BBX: variants seen among roughly 807,000 people sequenced by gnomAD.
BBX encodes the protein HMG box transcription factor BBX.
A neutral mutation model predicts 100.2 loss-of-function variants in BBX; 30 were observed. The observed-to-expected ratio is 0.30, with a 90% CI of 0.22 to 0.41. The LOEUF is 0.41. BBX is among the 10% of genes least tolerant of loss of function. The pLI, the probability that BBX is intolerant of heterozygous loss-of-function variation, is 1.00. For missense variants in BBX, 1,023 were observed against 1,129.8 expected (o/e 0.91, Z 1.35); for synonymous variants, 376 against 388.1 (o/e 0.97, Z 0.37).
At chr3:107,609,462 T>C (rs911364465) in intron 2 of BBX, among the ~76,000 whole-genome samples, 3 of 152,098 alleles carry the variant, frequency 2.0e-5, no homozygotes, top group African/African-American at 7.2e-5. Flanking sequence ...GTAGGATTAG[T>C]ATTAGTATAT....
At chr3:107,617,676 AT>A (rs2055398521) in intron 2 of BBX, among the ~76,000 whole-genome samples, 1 of 152,064 alleles carries the variant, frequency 6.6e-6, no homozygotes, top group Admixed American at 6.6e-5. Flanking sequence ...AAATATTTTA[AT>A]TTTGATGTCC....
At chr3:107,598,540 G>C (rs1482876123) in intron 2 of BBX, among the ~76,000 whole-genome samples, 1 of 152,150 alleles carries the variant, frequency 6.6e-6, no homozygotes, top group East Asian at 1.9e-4. Context: ...ATTACTTTCT[G>C]CTTCCCGGCT....
intron 5 of BBX, among the ~76,000 whole-genome samples, chr3:107,718,008 A>C (rs1300174927): frequency 6.6e-6 from 1 of 151,892 alleles, no homozygotes; most frequent in South Asian, 2.1e-4. Context: ...TGAAAAAATA[A>C]TTCTTCCAGG....
chr3:107,543,436 T>TA (rs991326805), intron 2 of BBX, among the ~76,000 whole-genome samples: 2 of 152,208 alleles, frequency 1.3e-5, no homozygotes, highest in Admixed American at 1.3e-4. Context: ...TATAAATGGT[T>TA]AAAAAATTAA....
intron 10 of BBX, among the ~76,000 whole-genome samples, chr3:107,757,250 G>T (rs9878595): frequency 0.12 from 17,499 of 151,568 alleles, 1,369 homozygotes; most frequent in Non-Finnish European, 0.17. Flanking sequence ...TGCATGGGGG[G>T]GCTGGTAAAG....
chr3:107,676,212 A>G (rs1375510123), intron 3 of BBX, among the ~76,000 whole-genome samples: 2 of 152,198 alleles, frequency 1.3e-5, no homozygotes, highest in Non-Finnish European at 2.9e-5. Flanking sequence ...TGTGGATTTC[A>G]TCTGATTAAG....
At chr3:107,749,329 A>G (rs1253007131) in intron 9 of BBX, among the ~76,000 whole-genome samples, 3 of 152,224 alleles carry the variant, frequency 2.0e-5, no homozygotes, top group Non-Finnish European at 4.4e-5. Context: ...CTTCAGAGTT[A>G]AAAAGGAATT....
chr3:107,667,313 A>G (rs1376966173), intron 3 of BBX, among the ~76,000 whole-genome samples: 2 of 152,186 alleles, frequency 1.3e-5, no homozygotes, highest in Non-Finnish European at 2.9e-5. Flanking sequence ...ATCAGTGATA[A>G]AAGTTTCTTT....
intron 2 of BBX, among the ~76,000 whole-genome samples, chr3:107,536,361 C>CT (rs1213946206): frequency 2.0e-5 from 3 of 152,010 alleles, no homozygotes; most frequent in South Asian, 2.1e-4. Flanking sequence ...AAAAGTTTGT[C>CT]TTTTTTTTAA....
chr3:107,694,713 A>G (rs1191361438), intron 3 of BBX, among the ~76,000 whole-genome samples: 19 of 151,186 alleles, frequency 1.3e-4, no homozygotes, highest in Non-Finnish European at 2.8e-4. Flanking sequence ...GCCTCATAAA[A>G]TGAGTTAGGG....
At chr3:107,724,765 A>G (rs1345334326) in intron 5 of BBX, among the ~76,000 whole-genome samples, 3 of 152,068 alleles carry the variant, frequency 2.0e-5, no homozygotes, top group Non-Finnish European at 2.9e-5. Flanking sequence ...CCATTGGTCT[A>G]TATCTCTGTT....
rs1265866315 is a variant in BBX, at chr3:107,610,788, GT to G, written c.-83-35036del. On this transcript the variant is annotated intron_variant, in intron 2 of 17. Transcript: ENST00000325805. ...TCTTATAGGCAACAGATCATTGGGTGTTTTTTTTTTTTAAGCATTTAATCAC... is the reference window on the plus strand; with the variant it reads ...TCTTATAGGCAACAGATCATTGGGTGTTTTTTTTTTTAAGCATTTAATCAC... Among the ~76,000 whole-genome samples, 149 of 139,798 alleles carry G rather than the reference GT, an allele frequency of 1.1e-3. No homozygotes were observed. The East Asian group carries it at 0.011, about 10-fold the overall frequency. 91.7% of individuals were successfully genotyped at this position (139,798 alleles called of 152,430 possible).
In BBX at chr3:107,788,399, A is replaced by G. The variant is rs549369020; in HGVS notation, c.2204-1388A>G. Among the ~76,000 whole-genome samples, 3 of 152,244 alleles carry G rather than the reference A, an allele frequency of 2.0e-5. 1 individual carries two copies. The highest frequency in any genetic ancestry group is 4.8e-5 in the African/African-American group (2 of 41,558). ...CAGCCTGGTGCAATAAGGACCCACA[A>G]TTGGCCTTCACAGCATGGGGGTACT... On this transcript the variant is annotated intron_variant, in intron 13 of 17. Coordinates refer to ENST00000325805, the MANE Select transcript of BBX (RefSeq NM_001142568.3).
intron 3 of BBX, among the ~76,000 whole-genome samples, chr3:107,656,405 C>G (rs1281702971): frequency 6.6e-6 from 1 of 152,106 alleles, no homozygotes; most frequent in Admixed American, 6.5e-5. Flanking sequence ...AAAGCTGCTT[C>G]TTATTTAGTG....
chr3:107,766,031 G>A (rs1487851587), intron 10 of BBX, among the ~76,000 whole-genome samples: 1 of 152,190 alleles, frequency 6.6e-6, no homozygotes, highest in Non-Finnish European at 1.5e-5. Context: ...AGAAGAAGAT[G>A]CTTAAAAGGA....
At chr3:107,789,186 A>C (rs564230247) in intron 13 of BBX, among the ~76,000 whole-genome samples, 1 of 152,310 alleles carries the variant, frequency 6.6e-6, no homozygotes, top group East Asian at 1.9e-4. Context: ...CTGAAAAAAA[A>C]AAAATCTCAA....
intron 2 of BBX, among the ~76,000 whole-genome samples, chr3:107,566,185 AAAAAAAAAAAAAAAAAAG>A (rs1393592011): frequency 1.0e-4 from 15 of 145,590 alleles, no homozygotes; most frequent in Non-Finnish European, 1.6e-4. Flanking sequence ...CAAAAAAAAA[AAAAAAAAAAAAAAAAAAG>A]ATAGTTTGTT....
chr3:107,597,693 A>T (rs951221583), intron 2 of BBX, among the ~76,000 whole-genome samples: 1 of 152,228 alleles, frequency 6.6e-6, no homozygotes, highest in Non-Finnish European at 1.5e-5. Context: ...TTATCAGCTG[A>T]CAACTCAATT....
In BBX at chr3:107,595,973, C is replaced by A. The variant is rs189338146; in HGVS notation, c.-83-49863C>A. Among the ~76,000 whole-genome samples the A allele has an allele frequency of 1.4e-4, 22 of 152,194 alleles. No homozygotes were observed. The East Asian group carries it at 4.0e-3, about 28-fold the overall frequency. ...TATATTTTAGGCACTCATGACATAC[C>A]TAATTTTGTCTTAATTTTTTTGATA... On this transcript the variant is annotated intron_variant, in intron 2 of 17. Coordinates refer to ENST00000325805, the MANE Select transcript of BBX (RefSeq NM_001142568.3).
Sources: gnomAD v4.1 joint callset for allele counts (sites outside exome capture counted in the v4.1 genomes callset) on GRCh38, gnomAD v4.1.1 for gene constraint, MANE v1.5 for transcripts, NCBI Gene and HGNC (gene_info 2026-07-23, HGNC 2026-07-21) for gene names.